MAP2K6: variants seen among roughly 807,000 people sequenced by gnomAD.
MAP2K6 encodes the protein dual specificity mitogen-activated protein kinase kinase 6.
Under a neutral mutation model 53.7 loss-of-function variants are expected in MAP2K6, and 16 were observed. That is an observed-to-expected ratio of 0.30 (90% CI 0.20 to 0.45). MAP2K6 has a LOEUF of 0.45. Among genes scored for constraint, MAP2K6 ranks in the 20% least tolerant of loss-of-function variants. The pLI, the probability that MAP2K6 is intolerant of heterozygous loss-of-function variation, is 1.00. For synonymous variants in MAP2K6, 132 were observed against 143.1 expected (o/e 0.92, Z 0.55); for missense variants, 204 against 411.9 (o/e 0.50, Z 4.37).
At chr17:69,484,621 G>C (rs1047643841) in intron 1 of MAP2K6, among the ~76,000 whole-genome samples, 1 of 151,928 alleles carries the variant, frequency 6.6e-6, no homozygotes, top group East Asian at 1.9e-4. Context: ...CAAAAAACTT[G>C]TACATGAATG....
intron 2 of MAP2K6, among the ~76,000 whole-genome samples, chr17:69,515,701 T>G (rs1455744278): frequency 6.6e-6 from 1 of 152,206 alleles, no homozygotes; most frequent in Non-Finnish European, 1.5e-5. Flanking sequence ...AGAAGAAATA[T>G]TGCTGGGCTT....
chr17:69,515,881 ATATATGC>A (rs1910114462), intron 2 of MAP2K6, among the ~76,000 whole-genome samples: 2 of 152,238 alleles, frequency 1.3e-5, no homozygotes, highest in Non-Finnish European at 1.5e-5. Context: ...AGTTAACAGA[ATATATGC>A]CATTACTATT....
At chr17:69,522,315 CTG>C (rs1910525160) in intron 7 of MAP2K6, among the ~76,000 whole-genome samples, 1 of 152,070 alleles carries the variant, frequency 6.6e-6, no homozygotes, top group African/African-American at 2.4e-5. Context: ...AGGAAAAAGA[CTG>C]TAGATTATTC....
chr17:69,501,307 G>C (rs762769152), intron 1 of MAP2K6, among the ~76,000 whole-genome samples: 1 of 152,136 alleles, frequency 6.6e-6, no homozygotes, highest in South Asian at 2.1e-4. Flanking sequence ...GACCGCGTGG[G>C]CTTCTCATGC....
In MAP2K6 at chr17:69,541,872, G is replaced by A; in HGVS notation, c.*119G>A. The A allele has an allele frequency of 2.8e-6, 2 of 708,982 alleles. No individual in the cohort carries two copies. 43.9% of individuals were successfully genotyped at this position (708,982 alleles called of 1,614,324 possible). On this transcript the variant is annotated 3_prime_UTR_variant, in exon 12 of 12. Transcript: ENST00000590474. ...AGATAATTTAACCCTGCCTCTCAGA[G>A]GGTTTTCTCTCCCAATTTTCTTTTT...
chr17:69,489,353 T>G (rs1358251503), intron 1 of MAP2K6, among the ~76,000 whole-genome samples: 1 of 152,060 alleles, frequency 6.6e-6, no homozygotes, highest in Non-Finnish European at 1.5e-5. Context: ...TGTGATCACA[T>G]AGGTGGAACA....
rs1185267681 is a variant in MAP2K6 at position 69,548,210 on chromosome 17, A to G, written c.*6457A>G. ...TTTTTTAAATCATCAGTAAATTTCA[A>G]TTTTAAGGGGCCTATGCAAAATGCC... On this transcript the variant is annotated 3_prime_UTR_variant, in exon 12 of 12. Transcript: ENST00000590474. 6.6e-6 allele frequency: 1 copy of G among 152,096 alleles called. No individual in the cohort carries two copies. Among genetic ancestry groups the G allele is most frequent in the Non-Finnish European group, 1.5e-5 (1 of 68,006 alleles). 9.4% of individuals were successfully genotyped at this position (152,096 alleles called of 1,614,324 possible).
Position 69,470,038 on chromosome 17 carries a change from C to CA in MAP2K6, c.17-35734dup, listed in dbSNP as rs530391354. On this transcript the variant is annotated intron_variant, in intron 1 of 11. Transcript: ENST00000590474. ...GCAACATGGCAAAACCCCATCTCTACAAAAAAAATCCAAAACGTTAGCTGG... is the reference window on the plus strand; with the variant it reads ...GCAACATGGCAAAACCCCATCTCTACAAAAAAAAATCCAAAACGTTAGCTGG... Among the ~76,000 whole-genome samples, 235 of 151,772 alleles carry CA rather than the reference C, an allele frequency of 1.5e-3. 1 individual carries two copies. The highest frequency in any genetic ancestry group is 3.4e-3 in the Middle Eastern group (1 of 294).
rs894645788 is a variant in MAP2K6 at position 69,553,210 on chromosome 17, T to G, written c.*11457T>G. On this transcript the variant is annotated 3_prime_UTR_variant, in exon 12 of 12. Transcript: ENST00000590474. ...GGTGAGGGTAATTTTGCCTTACAAG[T>G]ATGTAGGTCATTCTGTGGTGGGATT... The G allele has an allele frequency of 6.6e-6, 1 of 152,148 alleles. No homozygotes were observed. The highest frequency in any genetic ancestry group is 2.4e-5 in the African/African-American group (1 of 41,432). The allele number at this position is 152,148 out of a possible 1,614,324, so 9.4% of individuals were successfully genotyped here.
At chr17:69,525,354 T>A (rs1910711876) in intron 9 of MAP2K6, among the ~76,000 whole-genome samples, 1 of 152,202 alleles carries the variant, frequency 6.6e-6, no homozygotes, top group East Asian at 1.9e-4. Context: ...AGAATGCTAA[T>A]GTGCGTGAAC....
At chr17:69,475,575 G>C (rs889167432) in intron 1 of MAP2K6, among the ~76,000 whole-genome samples, 1 of 152,218 alleles carries the variant, frequency 6.6e-6, no homozygotes. Context: ...TACACACAAA[G>C]AACATTTTAT....
At position 69,542,764 on chromosome 17, in the gene MAP2K6, T is replaced by C. The variant is rs1049000614; in HGVS notation, c.*1011T>C. ...TCTTCTGCGTTTGTCCCTCCTGCCA[T>C]GTGTAAGTTGTAAGGATTGCCTTTG... On this transcript the variant is annotated 3_prime_UTR_variant, in exon 12 of 12. Transcript: ENST00000590474. 6.6e-6 allele frequency: 1 copy of C among 152,190 alleles called. No homozygotes were observed. The highest frequency in any genetic ancestry group is 2.4e-5 in the African/African-American group (1 of 41,442). The allele number at this position is 152,190 out of a possible 1,614,324, so 9.4% of individuals were successfully genotyped here. A position where few individuals can be genotyped will look rare whatever the true frequency, so the allele number is the denominator to read the frequency against.
At chr17:69,464,323 A>G (rs889211129) in intron 1 of MAP2K6, among the ~76,000 whole-genome samples, 2 of 152,048 alleles carry the variant, frequency 1.3e-5, no homozygotes, top group Non-Finnish European at 2.9e-5. Context: ...CACGTTTAGT[A>G]TAGTGCTTTC....
chr17:69,506,766 G>A (rs966540027), intron 2 of MAP2K6, among the ~76,000 whole-genome samples: 3 of 152,144 alleles, frequency 2.0e-5, no homozygotes, highest in Non-Finnish European at 2.9e-5. Flanking sequence ...CTTGCATTGC[G>A]TGAAGCAGTA....
rs1363511984 is a variant in MAP2K6 at position 69,551,533 on chromosome 17, A to G, written c.*9780A>G. The G allele has an allele frequency of 6.6e-6, 1 of 152,204 alleles. No individual in the cohort carries two copies. Among genetic ancestry groups the G allele is most frequent in the Non-Finnish European group, 1.5e-5 (1 of 68,038 alleles). 9.4% of individuals were successfully genotyped at this position (152,204 alleles called of 1,614,324 possible). ...GGGTTTCACAGCAACTGTTTTAGAA[A>G]ACTATATGTGCCAAAAATTTACATT... is the stretch of plus-strand genomic sequence containing the variant. On this transcript the variant is annotated 3_prime_UTR_variant, in exon 12 of 12. Coordinates refer to ENST00000590474, the MANE Select transcript of MAP2K6 (RefSeq NM_002758.4).
rs945064255 is a variant in MAP2K6, at chr17:69,551,524, G to A, written c.*9771G>A. 6.6e-6 allele frequency: 1 copy of A among 152,176 alleles called. No individual in the cohort carries two copies. Among genetic ancestry groups the A allele is most frequent in the Non-Finnish European group, 1.5e-5 (1 of 68,028 alleles). The allele number at this position is 152,176 out of a possible 1,614,324, so 9.4% of individuals were successfully genotyped here. On this transcript the variant is annotated 3_prime_UTR_variant, in exon 12 of 12. Coordinates refer to ENST00000590474, the MANE Select transcript of MAP2K6 (RefSeq NM_002758.4). ...TAATAGCTGGGGTTTCACAGCAACT[G>A]TTTTAGAAAACTATATGTGCCAAAA...
At chr17:69,425,067 G>A (rs971032786) in intron 1 of MAP2K6, among the ~76,000 whole-genome samples, 1 of 152,172 alleles carries the variant, frequency 6.6e-6, no homozygotes, top group Admixed American at 6.5e-5. Flanking sequence ...TAACAAGAAC[G>A]TGGCCAGTGT....
intron 1 of MAP2K6, among the ~76,000 whole-genome samples, chr17:69,499,119 C>A (rs1192593771): frequency 6.6e-6 from 1 of 152,124 alleles, no homozygotes; most frequent in Non-Finnish European, 1.5e-5. Context: ...GTCTATAGAC[C>A]TGGAGAAGTT....
At chr17:69,440,567 T>C (rs1421573042) in intron 1 of MAP2K6, among the ~76,000 whole-genome samples, 1 of 152,226 alleles carries the variant, frequency 6.6e-6, no homozygotes, top group Non-Finnish European at 1.5e-5. Flanking sequence ...ACTTCTTTTA[T>C]CATTTCTTTT....
Sources: allele counts gnomAD v4.1 joint callset (sites outside exome capture counted in the v4.1 genomes callset), GRCh38; gene constraint gnomAD v4.1.1; transcripts MANE v1.5; gene names NCBI Gene and HGNC (gene_info 2026-07-23, HGNC 2026-07-21).